Variants in KIRREL3 observed in about 807,000 individuals in gnomAD.
The protein encoded by KIRREL3 is kin of IRRE-like protein 3.
Under a neutral mutation model 89.7 loss-of-function variants are expected in KIRREL3, and 36 were observed. That is an observed-to-expected ratio of 0.40 (90% CI 0.31 to 0.53). The LOEUF (loss-of-function observed/expected upper bound fraction) is 0.53, where lower values mean the gene tolerates loss of function less well. KIRREL3 is among the 20% of genes least tolerant of loss of function. The pLI, the probability that KIRREL3 is intolerant of heterozygous loss-of-function variation, is 0.49. For synonymous variants in KIRREL3, 445 were observed against 441.4 expected, an observed-to-expected ratio of 1.01 and a Z score of -0.10; for missense variants, 864 against 1,056.6, an observed-to-expected ratio of 0.82 and a Z score of 2.53.
chr11:126,491,520 G>A lies in KIRREL3; in HGVS notation c.434-18054C>T, dbSNP rs1032724699. 2.6e-5 allele frequency among the ~76,000 whole-genome samples: 4 copies of A among 152,090 alleles called. No homozygotes were observed. The highest frequency in any genetic ancestry group is 9.7e-5 in the African/African-American group (4 of 41,422). ...GACTCCAGTGTTGTCTGTCCCCCGA[G>A]TCGAGGTCTGGGGCAGGTAAGGAGG... is the stretch of plus-strand genomic sequence containing the variant. On this transcript the variant is annotated intron_variant, in intron 4 of 16. Transcript: ENST00000525144. The surrounding 1 kb of genome is among the most constrained non-coding windows in gnomAD (Gnocchi z 5.5).
chr11:126,502,189 T>C (rs1957886123), intron 4 of KIRREL3, among the ~76,000 whole-genome samples: 1 of 152,218 alleles, frequency 6.6e-6, no homozygotes, highest in Non-Finnish European at 1.5e-5. Flanking sequence ...GGTTCAGCCA[T>C]TCAAAAGTTC....
chr11:126,534,804 A>G (rs1224508893), intron 2 of KIRREL3, among the ~76,000 whole-genome samples: 1 of 152,220 alleles, frequency 6.6e-6, no homozygotes, highest in Non-Finnish European at 1.5e-5. Context: ...GAGTGGGAGC[A>G]GGAGGTCGAG....
rs1224221137 is a variant in KIRREL3 at position 126,723,551 on chromosome 11, A to G, written c.56-160639T>C. On this transcript the variant is annotated intron_variant, in intron 1 of 16. Transcript: ENST00000525144. This position sits in a 1 kb window ranked among gnomAD's most constrained non-coding sequence, Gnocchi z 4.0. ...TAGTAGGCAAGAAAGCATTTCCTAA[A>G]CCCTTCTCCTCTATGCTTTTAAAAT... Among the ~76,000 whole-genome samples the G allele has an allele frequency of 6.6e-6, 1 of 152,158 alleles. No homozygotes were observed. Among genetic ancestry groups the G allele is most frequent in the Non-Finnish European group, 1.5e-5 (1 of 68,018 alleles).
rs370418633 is a variant in KIRREL3, at chr11:126,562,809, G to A, written c.133+26C>T. 72 of 1,600,652 alleles carry A rather than the reference G, an allele frequency of 4.5e-5. No homozygotes were observed. The highest frequency in any genetic ancestry group is 1.7e-4 in the Middle Eastern group (1 of 6,058). On this transcript the variant is annotated intron_variant, in intron 2 of 16. Coordinates refer to ENST00000525144, the MANE Select transcript of KIRREL3 (RefSeq NM_032531.4). This position sits in a 1 kb window ranked among gnomAD's most constrained non-coding sequence, Gnocchi z 4.7. ...AGCTTCCTCCCTCCAGATTACTCCCGAGACAATGGGGAGGTTCTCACTGAC... is the reference window on the plus strand; with the variant it reads ...AGCTTCCTCCCTCCAGATTACTCCCAAGACAATGGGGAGGTTCTCACTGAC...
intron 1 of KIRREL3, among the ~76,000 whole-genome samples, chr11:126,910,815 G>T (rs1946786217): frequency 6.6e-6 from 1 of 152,226 alleles, no homozygotes; most frequent in Non-Finnish European, 1.5e-5. Flanking sequence ...CCATTCACCT[G>T]CTAGGGGAAA....
intron 1 of KIRREL3, among the ~76,000 whole-genome samples, chr11:126,920,830 T>C (rs753993851): frequency 1.6e-4 from 25 of 152,324 alleles, no homozygotes; most frequent in Middle Eastern, 3.4e-3. Flanking sequence ...ACTTTACAAT[T>C]GGCCTTCTCT....
intron 1 of KIRREL3, among the ~76,000 whole-genome samples, chr11:126,998,659 G>A (rs1354136379): frequency 6.6e-6 from 1 of 152,180 alleles, no homozygotes; most frequent in Admixed American, 6.5e-5. Context: ...AAAGAAATAA[G>A]CACAACAGAA....
At chr11:126,774,894 T>C (rs547338024) in intron 1 of KIRREL3, among the ~76,000 whole-genome samples, 1 of 152,278 alleles carries the variant, frequency 6.6e-6, no homozygotes, top group African/African-American at 2.4e-5. Context: ...AAGTTGCTGC[T>C]CCTGCTCCTG....
In KIRREL3 at chr11:126,705,018, G is replaced by T. The variant is rs1428800707; in HGVS notation, c.56-142106C>A. ...CTCTTGGGTCAGAACTGTATTTGTG[G>T]GTGGTAAATTTATATCTTACCCACT... On this transcript the variant is annotated intron_variant, in intron 1 of 16. Transcript: ENST00000525144. This position sits in a 1 kb window ranked among gnomAD's most constrained non-coding sequence, Gnocchi z 4.3. Among the ~76,000 whole-genome samples the T allele has an allele frequency of 1.3e-5, 2 of 152,192 alleles. No homozygotes were observed. The highest frequency in any genetic ancestry group is 2.1e-4 in the South Asian group (1 of 4,808).
At chr11:126,919,044 T>C (rs1947161610) in intron 1 of KIRREL3, among the ~76,000 whole-genome samples, 1 of 150,626 alleles carries the variant, frequency 6.6e-6, no homozygotes, top group South Asian at 2.1e-4. Context: ...AATACTATAT[T>C]ATATATAATA....
At chr11:126,760,965 T>A (rs1949650218) in intron 1 of KIRREL3, among the ~76,000 whole-genome samples, 1 of 152,154 alleles carries the variant, frequency 6.6e-6, no homozygotes, top group South Asian at 2.1e-4. Context: ...AGAGAAGGCT[T>A]TATTCTGTTA....
intron 1 of KIRREL3, among the ~76,000 whole-genome samples, chr11:126,902,372 T>A (rs1946407458): frequency 6.6e-6 from 1 of 152,206 alleles, no homozygotes; most frequent in Admixed American, 6.5e-5. Context: ...TTATTCCAAT[T>A]CTTTGGATTG....
chr11:126,561,659 G>A lies in KIRREL3; in HGVS notation c.133+1176C>T, dbSNP rs1276394426. Reference sequence around the variant, plus strand: ...CAACTCTGGTTGTACTCAGCCATGGGGTTCCTACAAATGGGAAGTAGCTTT... The same window carrying A: ...CAACTCTGGTTGTACTCAGCCATGGAGTTCCTACAAATGGGAAGTAGCTTT... On this transcript the variant is annotated intron_variant, in intron 2 of 16. Coordinates refer to ENST00000525144, the MANE Select transcript of KIRREL3 (RefSeq NM_032531.4). The surrounding 1 kb of genome is among the most constrained non-coding windows in gnomAD (Gnocchi z 4.5). Among the ~76,000 whole-genome samples, 1 of 152,200 alleles carries A rather than the reference G, an allele frequency of 6.6e-6. No homozygotes were observed. Among genetic ancestry groups the A allele is most frequent in the Non-Finnish European group, 1.5e-5 (1 of 68,024 alleles).
intron 1 of KIRREL3, among the ~76,000 whole-genome samples, chr11:126,712,063 C>T (rs1947779406): frequency 6.6e-6 from 1 of 152,248 alleles, no homozygotes; most frequent in Admixed American, 6.5e-5. Flanking sequence ...GCCCCACTCC[C>T]AGTGGTCCTC....
At chr11:126,497,199 TGTGA>T (rs573156025) in intron 4 of KIRREL3, among the ~76,000 whole-genome samples, 776 of 41,202 alleles carry the variant, frequency 0.019, 4 homozygotes, top group Middle Eastern at 0.041. Flanking sequence ...TGTGAGTGTG[TGTGA>T]GTGTGAGTGT....
At chr11:126,986,586 T>C (rs1949873443) in intron 1 of KIRREL3, among the ~76,000 whole-genome samples, 1 of 152,214 alleles carries the variant, frequency 6.6e-6, no homozygotes, top group African/African-American at 2.4e-5. Context: ...TTCCCTGGGT[T>C]CCACTGGGGT....
At chr11:126,952,077 T>C (rs953840528) in intron 1 of KIRREL3, among the ~76,000 whole-genome samples, 1 of 152,046 alleles carries the variant, frequency 6.6e-6, no homozygotes, top group African/African-American at 2.4e-5. Context: ...AGAGGAAAAA[T>C]GAGGGCTTAA....
At chr11:127,001,275 A>G (rs984621691), upstream of KIRREL3, 1 of 106,458 alleles carries the variant, frequency 9.4e-6, no homozygotes, top group Non-Finnish European at 1.7e-5. Flanking sequence ...CATGCTTTGC[A>G]TTTCTGAGAG....
At chr11:127,002,263 T>C (rs1234194151), upstream of KIRREL3, among the ~76,000 whole-genome samples, 1 of 104,814 alleles carries the variant, frequency 9.5e-6, no homozygotes, top group Non-Finnish European at 2.1e-5. Flanking sequence ...TTTTCTATTC[T>C]TAACTTAATA....
Sources: allele counts gnomAD v4.1 joint callset (sites outside exome capture counted in the v4.1 genomes callset), GRCh38; gene constraint gnomAD v4.1.1; non-coding constraint Gnocchi (gnomAD v3.1); transcripts MANE v1.5; gene names NCBI Gene and HGNC (gene_info 2026-07-23, HGNC 2026-07-21).